DNAH11: variants seen among roughly 807,000 people sequenced by gnomAD.
DNAH11 encodes the protein axonemal beta dynein heavy chain 11.
Under a neutral mutation model 526.0 loss-of-function variants are expected in DNAH11, and 442 were observed. The ratio of observed to expected loss-of-function variants is 0.84; its 90% CI spans 0.78 to 0.91. The LOEUF (loss-of-function observed/expected upper bound fraction) is 0.91, where lower values mean the gene tolerates loss of function less well. DNAH11 is among the 40% of genes least tolerant of loss of function. The probability of loss-of-function intolerance (pLI) is 0.00; values close to 1 mark genes in which losing one functional copy is unlikely to be tolerated. For missense variants in DNAH11, 6,989 were observed against 5,448.7 expected, an observed-to-expected ratio of 1.28 and a Z score of -8.90; for synonymous variants, 2,461 against 1,935.9, an observed-to-expected ratio of 1.27 and a Z score of -7.12.
At chr7:21,757,575 A>G (rs888182991) in intron 54 of DNAH11, among the ~76,000 whole-genome samples, 1 of 151,978 alleles carries the variant, frequency 6.6e-6, no homozygotes, top group Admixed American at 6.6e-5. Flanking sequence ...CTGCCTTTCA[A>G]TCTGCAGGAT....
At chr7:21,876,628 T>C (rs1322793862) in intron 74 of DNAH11, among the ~76,000 whole-genome samples, 1 of 152,252 alleles carries the variant, frequency 6.6e-6, no homozygotes, top group African/African-American at 2.4e-5. Flanking sequence ...TTACCACAAA[T>C]TGTCATCAAT....
At chr7:21,776,811 C>G (rs1364187771) in intron 56 of DNAH11, among the ~76,000 whole-genome samples, 1 of 152,174 alleles carries the variant, frequency 6.6e-6, no homozygotes, top group Non-Finnish European at 1.5e-5. Context: ...ATAGTACAGA[C>G]AGGTCCCTGT....
Position 21,779,032 on chromosome 7 carries a change from G to T in DNAH11, c.9411G>T (p.Leu3137=). The T allele has an allele frequency of 6.2e-7, 1 of 1,613,464 alleles. No homozygotes were observed. The highest frequency in any genetic ancestry group is 1.7e-4 in the Middle Eastern group (1 of 6,052). The change falls in exon 57 of 82, where the codon CTG becomes CTT. Residue 3137 remains leucine, a synonymous_variant. Transcript: ENST00000409508. ...LQLRNHDAEA[L]ITKIGLQTEK... is the part of the protein sequence containing the mutation. Reference sequence around the variant, plus strand: ...TGAGAAATCATGATGCCGAAGCTCTGATCACAAAGATCGGCCTTCAGACGG... The same window carrying T: ...TGAGAAATCATGATGCCGAAGCTCTTATCACAAAGATCGGCCTTCAGACGG...
intron 9 of DNAH11, among the ~76,000 whole-genome samples, chr7:21,583,702 T>C (rs1374365993): frequency 6.6e-6 from 1 of 151,912 alleles, no homozygotes; most frequent in African/African-American, 2.4e-5. Context: ...AGGTCTAATA[T>C]CCAGAATCTA....
intron 74 of DNAH11, among the ~76,000 whole-genome samples, chr7:21,879,524 G>A (rs1783835894): frequency 6.6e-6 from 1 of 151,952 alleles, no homozygotes; most frequent in Non-Finnish European, 1.5e-5. Context: ...ATATCACCCA[G>A]TCATCCCAAC....
At chr7:21,607,896 C>T (rs1785361300) in intron 20 of DNAH11, among the ~76,000 whole-genome samples, 1 of 139,068 alleles carries the variant, frequency 7.2e-6, no homozygotes, top group Non-Finnish European at 1.5e-5. Flanking sequence ...CGAGATTGCG[C>T]CATTGTACTC....
intron 44 of DNAH11, among the ~76,000 whole-genome samples, chr7:21,721,421 G>A (rs192943790): frequency 3.9e-5 from 6 of 152,096 alleles, no homozygotes; most frequent in Non-Finnish European, 5.9e-5. Context: ...TTATCATAGC[G>A]TCTTAGTAGC....
chr7:21,652,782 T>C (rs922809807), intron 28 of DNAH11, among the ~76,000 whole-genome samples: 2 of 152,156 alleles, frequency 1.3e-5, no homozygotes, highest in African/African-American at 4.8e-5. Context: ...ACATGGTGAG[T>C]TATTGGTTCT....
At position 21,606,463 on chromosome 7, in the gene DNAH11, C is replaced by T. The variant is rs778666657; in HGVS notation, c.3686C>T (p.Ala1229Val). 1.9e-6 allele frequency: 3 copies of T among 1,607,118 alleles called. No homozygotes were observed. The South Asian group carries it at 3.4e-5, about 18-fold the overall frequency. Residue 1229 changes from alanine (A) to valine (V), a missense_variant, in exon 19 of 82, where the codon GCA becomes GTA. Physicochemically the swap from Ala to Val is moderately conservative, Grantham distance 64. Transcript: ENST00000409508. ...AGATGGGAAACTACCAAAAAGATCG[C>T]AGCAACTGTCAGACATGAAGTCTCA... ...PERWETTKKI[A>V]ATVRHEVSPL...
In DNAH11 at chr7:21,543,609, G is replaced by A; in HGVS notation, c.351+13G>A. On this transcript the variant is annotated intron_variant, in intron 1 of 81. Coordinates refer to ENST00000409508, the MANE Select transcript of DNAH11 (RefSeq NM_001277115.2). ...GGCTTCCCAGGAGGTAAGAGGCGAC[G>A]GGCAAGGGGACCTGCCCATCCAACA... 1 of 1,573,982 alleles carries A rather than the reference G, an allele frequency of 6.4e-7. No individual in the cohort carries two copies. Among genetic ancestry groups the A allele is most frequent in the Non-Finnish European group, 8.6e-7 (1 of 1,159,172 alleles).
intron 18 of DNAH11, among the ~76,000 whole-genome samples, chr7:21,602,127 G>A (rs981269481): frequency 6.6e-6 from 1 of 151,984 alleles, no homozygotes; most frequent in East Asian, 1.9e-4. Flanking sequence ...ATCACCTGAG[G>A]TTCGGAGTTC....
intron 54 of DNAH11, among the ~76,000 whole-genome samples, chr7:21,758,473 T>G (rs1045285923): frequency 2.0e-5 from 3 of 152,188 alleles, no homozygotes; most frequent in African/African-American, 7.2e-5. Context: ...GTGCCCGTGA[T>G]GTGCTGAGTC....
At chr7:21,622,630 A>G (rs1173369079) in intron 25 of DNAH11, among the ~76,000 whole-genome samples, 4 of 152,172 alleles carry the variant, frequency 2.6e-5, no homozygotes, top group East Asian at 1.9e-4. Context: ...ATATAGATCA[A>G]TGGAACAGAA....
In DNAH11 at chr7:21,720,754, G is replaced by A; in HGVS notation, c.7164G>A (p.Leu2388=). The change falls in exon 44 of 82, where the codon CTG becomes CTA. Residue 2388 remains leucine, a synonymous_variant. Coordinates refer to ENST00000409508, the MANE Select transcript of DNAH11 (RefSeq NM_001277115.2). ...QTLCVLLECL[L]TPENVPSDSP... ...TATGTGTTCTTTTGGAGTGCTTGCT[G>A]ACTCCTGAAAATGTACCTTCTGACA... 1 of 1,589,530 alleles carries A rather than the reference G, an allele frequency of 6.3e-7. No homozygotes were observed. The highest frequency in any genetic ancestry group is 1.7e-4 in the Middle Eastern group (1 of 6,022).
intron 76 of DNAH11, 78 bp downstream of exon 76, chr7:21,884,488 T>C: frequency 1.4e-6 from 2 of 1,398,368 alleles, no homozygotes; most frequent in African/African-American, 2.9e-5. Context: ...AAACTAATTA[T>C]ACTATGGGCA....
chr7:21,788,354 G>A (rs1054821696), intron 60 of DNAH11, among the ~76,000 whole-genome samples: 1 of 152,124 alleles, frequency 6.6e-6, no homozygotes, highest in South Asian at 2.1e-4. Context: ...CACAGGGATA[G>A]GACTCTCTTG....
chr7:21,543,509 G>A lies in DNAH11; in HGVS notation c.264G>A (p.Gln88=), dbSNP rs767753234. 3 of 1,609,126 alleles carry A rather than the reference G, an allele frequency of 1.9e-6. No homozygotes were observed. The highest frequency in any genetic ancestry group is 1.7e-6 in the Non-Finnish European group (2 of 1,177,786). The change falls in exon 1 of 82, where the codon CAG becomes CAA. Residue 88 remains glutamine, a synonymous_variant. Transcript: ENST00000409508. ...ATTTGGAAAGCGAGGACAACCGGCA[G>A]GTTCTTGGGGAGTTTCTGGAAAGCA... ...SQYLESEDNR[Q]VLGEFLESTS...
intron 54 of DNAH11, among the ~76,000 whole-genome samples, chr7:21,757,938 A>G (rs1361590504): frequency 2.0e-5 from 3 of 152,204 alleles, no homozygotes; most frequent in Admixed American, 2.0e-4. Flanking sequence ...TATCCTTGCA[A>G]GATTGTAAAG....
At chr7:21,549,882 A>G (rs1421556102) in intron 2 of DNAH11, among the ~76,000 whole-genome samples, 2 of 152,138 alleles carry the variant, frequency 1.3e-5, no homozygotes, top group East Asian at 3.9e-4. Context: ...CCACATTCCC[A>G]CAAGGTAAAA....
Sources: allele counts gnomAD v4.1 joint callset (sites outside exome capture counted in the v4.1 genomes callset), GRCh38; gene constraint gnomAD v4.1.1; transcripts MANE v1.5; gene names NCBI Gene and HGNC (gene_info 2026-07-23, HGNC 2026-07-21).